Variants in EPHA6 observed in about 807,000 individuals in gnomAD.
EPHA6 encodes the protein EPH receptor A6, also known as ephrin type-A receptor 6.
Under a neutral mutation model 112.0 loss-of-function variants are expected in EPHA6, and 50 were observed. The observed-to-expected ratio is 0.45, with a 90% CI of 0.36 to 0.56. The LOEUF (loss-of-function observed/expected upper bound fraction) is 0.56. Among genes scored for constraint, EPHA6 ranks in the 20% least tolerant of loss-of-function variants. The pLI is 0.00. For synonymous variants in EPHA6, 529 were observed against 490.7 expected (o/e 1.08, Z -1.03); for missense variants, 1,280 against 1,417.4 (o/e 0.90, Z 1.56).
chr3:97,163,345 ACC>A (rs2076461715), intron 3 of EPHA6, among the ~76,000 whole-genome samples: 1 of 151,928 alleles, frequency 6.6e-6, no homozygotes, highest in Admixed American at 6.6e-5. Flanking sequence ...TAGCAAACAA[ACC>A]TTTTCCAGCT....
chr3:97,653,179 A>C (rs1418335005), intron 14 of EPHA6, among the ~76,000 whole-genome samples: 1 of 151,994 alleles, frequency 6.6e-6, no homozygotes, highest in Non-Finnish European at 1.5e-5. Context: ...CAAACTAAAA[A>C]GCTTCTGAAT....
intron 14 of EPHA6, among the ~76,000 whole-genome samples, chr3:97,685,112 T>G (rs55813022): frequency 2.2e-4 from 34 of 152,260 alleles, no homozygotes; most frequent in Non-Finnish European, 4.7e-4. Flanking sequence ...CAAGAAAAAT[T>G]TATATGATGT....
At chr3:97,175,660 A>G (rs2076816793) in intron 3 of EPHA6, among the ~76,000 whole-genome samples, 1 of 151,706 alleles carries the variant, frequency 6.6e-6, no homozygotes, top group Non-Finnish European at 1.5e-5. Flanking sequence ...TTGTAAATGT[A>G]ATTACTTTTC....
At chr3:97,174,570 T>C (rs2076783981) in intron 3 of EPHA6, among the ~76,000 whole-genome samples, 1 of 151,890 alleles carries the variant, frequency 6.6e-6, no homozygotes, top group Admixed American at 6.6e-5. Flanking sequence ...TTATTGCTTG[T>C]CTTTTAGATA....
chr3:97,222,265 T>C (rs1434478302), intron 3 of EPHA6, among the ~76,000 whole-genome samples: 2 of 152,156 alleles, frequency 1.3e-5, no homozygotes, highest in Non-Finnish European at 2.9e-5. Context: ...AGTGCCTCAA[T>C]AATAATTTTC....
At chr3:97,190,758 C>T (rs1442593213) in intron 3 of EPHA6, among the ~76,000 whole-genome samples, 1 of 151,748 alleles carries the variant, frequency 6.6e-6, no homozygotes, top group Non-Finnish European at 1.5e-5. Context: ...GGGAGATATA[C>T]CTAAGGCTAG....
intron 1 of EPHA6, among the ~76,000 whole-genome samples, chr3:96,839,839 T>C (rs1483695374): frequency 1.3e-5 from 2 of 152,100 alleles, no homozygotes; most frequent in African/African-American, 2.4e-5. Context: ...GCAGTAAATC[T>C]ATTATATTAT....
intron 15 of EPHA6, among the ~76,000 whole-genome samples, chr3:97,720,848 T>C (rs2034495895): frequency 6.6e-6 from 1 of 152,216 alleles, no homozygotes; most frequent in African/African-American, 2.4e-5. Context: ...ATTATCAATA[T>C]GTGCCATCTA....
In EPHA6 at chr3:97,110,400, A is replaced by C. The variant is rs567603004; in HGVS notation, c.1115-115864A>C. Reference sequence around the variant, plus strand: ...TGTGTCTGATTCACTTTCATTTTAAAAACTATTTTTCTTGCCAAATCACAT... The same window carrying C: ...TGTGTCTGATTCACTTTCATTTTAACAACTATTTTTCTTGCCAAATCACAT... On this transcript the variant is annotated intron_variant, in intron 3 of 17. Coordinates refer to ENST00000389672, the MANE Select transcript of EPHA6 (RefSeq NM_001080448.3). 2.6e-4 allele frequency among the ~76,000 whole-genome samples: 39 copies of C among 152,274 alleles called. No homozygotes were observed. In the South Asian group the frequency reaches 8.1e-3, roughly 32 times the overall value.
intron 3 of EPHA6, among the ~76,000 whole-genome samples, chr3:97,154,138 C>T (rs2076234623): frequency 6.6e-6 from 1 of 150,428 alleles, no homozygotes; most frequent in Non-Finnish European, 1.5e-5. Context: ...GCACCCCAGC[C>T]TGGGCAACAA....
At chr3:97,288,673 C>A (rs901574373) in intron 5 of EPHA6, among the ~76,000 whole-genome samples, 3 of 152,154 alleles carry the variant, frequency 2.0e-5, no homozygotes, top group Admixed American at 6.5e-5. Context: ...AGTGGCTGAA[C>A]TAATTTACAT....
chr3:97,492,547 CAAAAAAAAAAAAAAAAAAAA>C (rs780244403), intron 10 of EPHA6, among the ~76,000 whole-genome samples: 2,199 of 28,932 alleles, frequency 0.076, 213 homozygotes, highest in African/African-American at 0.17. Context: ...GACTCAGTCT[CAAAAAAAAAAAAAAAAAAAA>C]AAAAAAAAAA....
At chr3:97,372,738 G>T (rs2085131932) in intron 5 of EPHA6, among the ~76,000 whole-genome samples, 1 of 152,026 alleles carries the variant, frequency 6.6e-6, no homozygotes. Flanking sequence ...TTCAAGCAAT[G>T]CTAAACTACA....
chr3:97,358,369 A>G (rs991059930), intron 5 of EPHA6, among the ~76,000 whole-genome samples: 4 of 152,038 alleles, frequency 2.6e-5, no homozygotes, highest in African/African-American at 9.7e-5. Flanking sequence ...ACTTTGCCTC[A>G]TGCCCTCTTG....
chr3:96,816,574 TAGTA>T (rs2032801215), intron 1 of EPHA6, among the ~76,000 whole-genome samples: 1 of 152,154 alleles, frequency 6.6e-6, no homozygotes, highest in Admixed American at 6.5e-5. Context: ...TACTTTATAA[TAGTA>T]AGTAAGGATA....
intron 5 of EPHA6, among the ~76,000 whole-genome samples, chr3:97,333,921 T>C (rs1301938990): frequency 6.6e-6 from 1 of 152,112 alleles, no homozygotes; most frequent in African/African-American, 2.4e-5. Context: ...ACCATCAAAG[T>C]GTGGTGTTAT....
At chr3:96,918,789 A>G (rs1318563066) in intron 2 of EPHA6, among the ~76,000 whole-genome samples, 1 of 151,980 alleles carries the variant, frequency 6.6e-6, no homozygotes, top group African/African-American at 2.4e-5. Flanking sequence ...GATACACAGC[A>G]TTTTGTACAG....
intron 3 of EPHA6, among the ~76,000 whole-genome samples, chr3:97,111,822 T>C: frequency 6.6e-6 from 1 of 152,240 alleles, no homozygotes; most frequent in East Asian, 1.9e-4. Flanking sequence ...ACTGAAGCAA[T>C]TAAAGCCCTA....
In EPHA6 at chr3:97,673,619, G is replaced by T. The variant is rs370030126; in HGVS notation, c.2784+35537G>T. On this transcript the variant is annotated intron_variant, in intron 14 of 17. Coordinates refer to ENST00000389672, the MANE Select transcript of EPHA6 (RefSeq NM_001080448.3). The stretch of plus-strand genomic sequence containing the variant: ...AAGAGCAGATTTACTGTAATTTGAG[G>T]ACAGCGAACAAGCTTTCCCCAAAAG... Among the ~76,000 whole-genome samples the T allele has an allele frequency of 8.5e-5, 13 of 152,272 alleles. No homozygotes were observed. The South Asian group carries it at 2.5e-3, about 29-fold the overall frequency.
Sources: gnomAD v4.1 joint callset for allele counts (sites outside exome capture counted in the v4.1 genomes callset) on GRCh38, gnomAD v4.1.1 for gene constraint, MANE v1.5 for transcripts, NCBI Gene and HGNC (gene_info 2026-07-23, HGNC 2026-07-21) for gene names.